TTLL7: variants seen among roughly 807,000 people sequenced by gnomAD.
TTLL7 encodes the protein tubulin polyglutamylase TTLL7.
A neutral mutation model predicts 120.2 loss-of-function variants in TTLL7; 53 were observed. The observed-to-expected ratio is 0.44, with a 90% CI of 0.35 to 0.55. The LOEUF is 0.55. Among genes scored for constraint, TTLL7 ranks in the 20% least tolerant of loss-of-function variants. The pLI, the probability that TTLL7 is intolerant of heterozygous loss-of-function variation, is 0.00. For missense variants in TTLL7, 803 were observed against 1,054.7 expected, an observed-to-expected ratio of 0.76 and a Z score of 3.31; for synonymous variants, 353 against 351.7, an observed-to-expected ratio of 1.00 and a Z score of -0.04.
At chr1:83,901,774 T>C (rs958881460) in intron 18 of TTLL7, among the ~76,000 whole-genome samples, 2 of 151,952 alleles carry the variant, frequency 1.3e-5, no homozygotes, top group African/African-American at 4.8e-5. Context: ...CTTACTCAGA[T>C]AAAAGTATAT....
intron 19 of TTLL7, 32 bp from the exon 20 acceptor site, chr1:83,883,168 T>C (rs1351882994): frequency 1.3e-6 from 2 of 1,533,442 alleles, no homozygotes; most frequent in Non-Finnish European, 1.8e-6. Flanking sequence ...TGATCTCATG[T>C]TGGCTGTTAA....
intron 8 of TTLL7, among the ~76,000 whole-genome samples, chr1:83,934,799 C>A (rs1647246689): frequency 6.6e-6 from 1 of 152,096 alleles, no homozygotes; most frequent in South Asian, 2.1e-4. Flanking sequence ...GCTGTGCAAC[C>A]TCAGTCATGT....
At chr1:83,887,317 C>A in intron 19 of TTLL7, 1 of 923,538 alleles carries the variant, frequency 1.1e-6, no homozygotes, top group Non-Finnish European at 1.5e-6. Context: ...ATATTAAAAT[C>A]ATTCCTTAAA....
At position 83,890,215 on chromosome 1, in the gene TTLL7, G is replaced by T. The variant is rs1655346806; in HGVS notation, c.2369+106C>A. 9 of 1,178,310 alleles carry T rather than the reference G, an allele frequency of 7.6e-6. No homozygotes were observed. The South Asian group carries it at 1.3e-4, about 17-fold the overall frequency. The allele number at this position is 1,178,310 out of a possible 1,614,324, so 73.0% of individuals were successfully genotyped here. On this transcript the variant is annotated intron_variant, in intron 19 of 20. Coordinates refer to ENST00000260505, the MANE Select transcript of TTLL7 (RefSeq NM_024686.6). Reference sequence around the variant, plus strand: ...GTACTAAACATTACATGCAGTAAAAGAAATCCATATTTTAAAAGATCATTC... The same window carrying T: ...GTACTAAACATTACATGCAGTAAAATAAATCCATATTTTAAAAGATCATTC...
chr1:83,987,256 A>G (rs559872143), intron 1 of TTLL7, among the ~76,000 whole-genome samples: 1 of 151,498 alleles, frequency 6.6e-6, no homozygotes, highest in South Asian at 2.1e-4. Context: ...GAAAAAAAAA[A>G]GAAAAAACAA....
chr1:83,991,101 C>T (rs1234940684), intron 1 of TTLL7, among the ~76,000 whole-genome samples: 1 of 152,070 alleles, frequency 6.6e-6, no homozygotes, highest in Admixed American at 6.6e-5. Context: ...TTACAAAAGA[C>T]AAGTATGTAT....
chr1:83,949,773 T>A, intron 4 of TTLL7, 92 bp downstream of exon 4: 1 of 1,420,026 alleles, frequency 7.0e-7, no homozygotes. Context: ...TGAAATGTAA[T>A]AAGGCAACAT....
At chr1:83,969,397 AATC>A (rs950829360) in intron 1 of TTLL7, among the ~76,000 whole-genome samples, 6 of 151,954 alleles carry the variant, frequency 3.9e-5, no homozygotes, top group African/African-American at 1.4e-4. Context: ...TGTATATATA[AATC>A]ATCACTTTAA....
chr1:83,988,129 T>A (rs1032598982), intron 1 of TTLL7, among the ~76,000 whole-genome samples: 1 of 152,226 alleles, frequency 6.6e-6, no homozygotes, highest in Non-Finnish European at 1.5e-5. Context: ...AGTGAGAACA[T>A]GCAGTATTTG....
intron 20 of TTLL7, among the ~76,000 whole-genome samples, chr1:83,878,023 T>C (rs1175232689): frequency 6.6e-6 from 1 of 151,918 alleles, no homozygotes; most frequent in Non-Finnish European, 1.5e-5. Context: ...ATATTTTTGT[T>C]ATCACTTAGT....
chr1:83,919,904 C>T (rs560869981), intron 12 of TTLL7, 70 bp from the exon 13 acceptor site: 368 of 1,454,296 alleles, frequency 2.5e-4, no homozygotes, highest in Non-Finnish European at 3.0e-4. Context: ...ACATCAACTC[C>T]ATAGACAATC....
At chr1:83,989,690 TG>T (rs1287619120) in intron 1 of TTLL7, among the ~76,000 whole-genome samples, 1 of 152,206 alleles carries the variant, frequency 6.6e-6, no homozygotes, top group Non-Finnish European at 1.5e-5. Context: ...TGTTTTGTTT[TG>T]TTTTTTTAGT....
At chr1:83,911,393 T>G (rs1337933439) in intron 14 of TTLL7, 30 bp from the exon 15 acceptor site, 2 of 1,543,248 alleles carry the variant, frequency 1.3e-6, no homozygotes, top group East Asian at 2.3e-5. Context: ...GTTATTTTGT[T>G]AGAATTCTTA....
rs1335609587 is a variant in TTLL7, at chr1:83,951,947, T to G, written c.55A>C (p.Asn19His). The change falls in exon 3 of 21, where the codon AAT becomes CAT. Residue 19 changes from asparagine to histidine, a missense_variant. Coordinates refer to ENST00000260505, the MANE Select transcript of TTLL7 (RefSeq NM_024686.6). ...VIQGPSPLDL[N>H]TELPYQSTMK... ...GTGCTTTGATAAGGTAATTCTGTAT[T>G]CAAATCCAGGGGAGAGGGTCCCTGA... is the stretch of plus-strand genomic sequence containing the variant. 6.2e-7 allele frequency: 1 copy of G among 1,611,310 alleles called. No individual in the cohort carries two copies. The highest frequency in any genetic ancestry group is 2.2e-5 in the East Asian group (1 of 44,794).
chr1:83,905,260 T>A (rs1657083890), intron 17 of TTLL7, among the ~76,000 whole-genome samples: 1 of 151,862 alleles, frequency 6.6e-6, no homozygotes, highest in Non-Finnish European at 1.5e-5. Context: ...GTTACCATTT[T>A]CACTTTTTAA....
intron 7 of TTLL7, among the ~76,000 whole-genome samples, chr1:83,941,127 C>T (rs982804635): frequency 2.6e-5 from 4 of 152,194 alleles, no homozygotes. Context: ...TGGCTAACTC[C>T]TCATTATTCA....
At chr1:83,970,528 A>G (rs1650875434) in intron 1 of TTLL7, among the ~76,000 whole-genome samples, 1 of 152,124 alleles carries the variant, frequency 6.6e-6, no homozygotes, top group Non-Finnish European at 1.5e-5. Context: ...TTGGTTTTTC[A>G]AGTTCTGATT....
intron 1 of TTLL7, among the ~76,000 whole-genome samples, chr1:83,982,091 T>C (rs1467711349): frequency 2.6e-5 from 4 of 152,228 alleles, no homozygotes; most frequent in African/African-American, 9.6e-5. Flanking sequence ...CAGAGTATGT[T>C]ATCTGACTAG....
intron 20 of TTLL7, among the ~76,000 whole-genome samples, chr1:83,875,876 C>T (rs542084697): frequency 6.6e-6 from 1 of 151,856 alleles, no homozygotes; most frequent in Non-Finnish European, 1.5e-5. Flanking sequence ...TTCCTTCCAT[C>T]CTGTGGCTTG....
Sources: allele counts gnomAD v4.1 joint callset (sites outside exome capture counted in the v4.1 genomes callset), GRCh38; gene constraint gnomAD v4.1.1; transcripts MANE v1.5; gene names NCBI Gene and HGNC (gene_info 2026-07-23, HGNC 2026-07-21).